CYP7B1: variants seen among roughly 807,000 people sequenced by gnomAD.
The protein encoded by CYP7B1 is cytochrome P450 7B1.
Under a neutral mutation model 42.7 loss-of-function variants are expected in CYP7B1, and 29 were observed. The ratio of observed to expected loss-of-function variants is 0.68; its 90% CI spans 0.51 to 0.93. The LOEUF (loss-of-function observed/expected upper bound fraction) is 0.93, where lower values mean the gene tolerates loss of function less well. Among genes scored for constraint, CYP7B1 ranks in the 40% least tolerant of loss-of-function variants. CYP7B1 has a pLI of 0.00. For synonymous variants in CYP7B1, 235 were observed against 218.2 expected (o/e 1.08, Z -0.68); for missense variants, 655 against 600.5 (o/e 1.09, Z -0.95).
intron 4 of CYP7B1, among the ~76,000 whole-genome samples, chr8:64,611,300 C>T (rs1805359517): frequency 6.6e-6 from 1 of 152,060 alleles, no homozygotes; most frequent in Non-Finnish European, 1.5e-5. Flanking sequence ...GTATTTAGCA[C>T]CCTGAGAATT....
In CYP7B1 at chr8:64,615,839, A is replaced by G; in HGVS notation, c.702T>C (p.Leu234=). Residue 234 remains leucine, a synonymous_variant, in exon 3 of 6, where the codon CTT becomes CTC. Coordinates refer to ENST00000310193, the MANE Select transcript of CYP7B1 (RefSeq NM_004820.5). The part of the protein sequence containing the change: ...AYLVSNIPIE[L]LGNVKSIREK... ...CTCTAATAGACTTGACATTTCCTAG[A>G]AGCTCAATGGGTATGTTGGATACTA... The G allele has an allele frequency of 6.2e-7, 1 of 1,613,758 alleles. No individual in the cohort carries two copies. Among genetic ancestry groups the G allele is most frequent in the Non-Finnish European group, 8.5e-7 (1 of 1,179,776 alleles).
chr8:64,757,074 G>A (rs1807820176), intron 1 of CYP7B1, among the ~76,000 whole-genome samples: 1 of 152,158 alleles, frequency 6.6e-6, no homozygotes, highest in African/African-American at 2.4e-5. Context: ...GAGTCCTAGG[G>A]TGAGAGCTCA....
intron 1 of CYP7B1, among the ~76,000 whole-genome samples, chr8:64,698,815 A>T (rs773252767): frequency 1.1e-4 from 17 of 152,260 alleles, no homozygotes; most frequent in Admixed American, 9.2e-4. Flanking sequence ...GAAGAAACAA[A>T]AAAATATATA....
At chr8:64,600,318 G>T (rs1805182886) in intron 5 of CYP7B1, among the ~76,000 whole-genome samples, 2 of 152,178 alleles carry the variant, frequency 1.3e-5, no homozygotes, top group South Asian at 4.1e-4. Context: ...GTTTAGTTCA[G>T]TTCAACAGAT....
At chr8:64,686,136 G>A (rs1295830043) in intron 1 of CYP7B1, among the ~76,000 whole-genome samples, 57 of 95,730 alleles carry the variant, frequency 6.0e-4, no homozygotes, top group Admixed American at 2.3e-3. Flanking sequence ...CAGCCGCCCC[G>A]TCTGGGAGGT....
chr8:64,699,884 G>A (rs1432562434), intron 1 of CYP7B1, among the ~76,000 whole-genome samples: 1 of 152,088 alleles, frequency 6.6e-6, no homozygotes, highest in African/African-American at 2.4e-5. Context: ...CATTCAAGGA[G>A]TCATTCACTG....
chr8:64,589,288 C>T (rs1276381194), downstream of CYP7B1, among the ~76,000 whole-genome samples: 2 of 152,170 alleles, frequency 1.3e-5, no homozygotes, highest in Non-Finnish European at 2.9e-5. Flanking sequence ...ATTTAATTTT[C>T]TGCAAGCATT....
intron 1 of CYP7B1, among the ~76,000 whole-genome samples, chr8:64,663,299 C>T (rs1033406765): frequency 6.6e-6 from 1 of 152,150 alleles, no homozygotes; most frequent in Non-Finnish European, 1.5e-5. Context: ...ATTCTGAATG[C>T]CTACTGATGT....
At chr8:64,744,918 G>A (rs968633401) in intron 1 of CYP7B1, among the ~76,000 whole-genome samples, 1 of 152,074 alleles carries the variant, frequency 6.6e-6, no homozygotes, top group African/African-American at 2.4e-5. Flanking sequence ...AGTGAGTTGA[G>A]GTATAGTAAT....
chr8:64,667,452 C>T (rs1806298555), intron 1 of CYP7B1, among the ~76,000 whole-genome samples: 1 of 152,134 alleles, frequency 6.6e-6, no homozygotes, highest in South Asian at 2.1e-4. Flanking sequence ...AACAAGCCAC[C>T]AATTTCCTAA....
intron 1 of CYP7B1, among the ~76,000 whole-genome samples, chr8:64,771,329 G>C (rs1804223760): frequency 6.6e-6 from 1 of 151,716 alleles, no homozygotes; most frequent in African/African-American, 2.4e-5. Context: ...CAAAGTGCTG[G>C]GATTACAGTC....
chr8:64,670,455 C>T (rs1043665302), intron 1 of CYP7B1, among the ~76,000 whole-genome samples: 1 of 151,936 alleles, frequency 6.6e-6, no homozygotes, highest in Non-Finnish European at 1.5e-5. Context: ...AAAGGATTGC[C>T]AAACTAATTA....
Position 64,798,589 on chromosome 8 carries a change from CGG to C in CYP7B1, c.-4_-3del. The C allele has an allele frequency of 3.4e-6, 5 of 1,464,570 alleles. No individual in the cohort carries two copies. The highest frequency in any genetic ancestry group is 4.5e-6 in the Non-Finnish European group (5 of 1,117,824). The allele number at this position is 1,464,570 out of a possible 1,614,324, so 90.7% of individuals were successfully genotyped here. On this transcript the variant is annotated 5_prime_UTR_variant, in exon 1 of 6. Coordinates refer to ENST00000310193, the MANE Select transcript of CYP7B1 (RefSeq NM_004820.5). Reference sequence around the variant, plus strand: ...GGCCGCGGACACTTCTCCTGCCATCCGGCGCGCGCTAGGCCGCGGTGGGCAGC... The same window carrying C: ...GGCCGCGGACACTTCTCCTGCCATCCCGCGCGCTAGGCCGCGGTGGGCAGC...
At chr8:64,691,702 C>T (rs781366406) in intron 1 of CYP7B1, among the ~76,000 whole-genome samples, 3 of 152,186 alleles carry the variant, frequency 2.0e-5, no homozygotes, top group Non-Finnish European at 2.9e-5. Context: ...AGCACCAGCT[C>T]AACAGTCATG....
At position 64,728,581 on chromosome 8, in the gene CYP7B1, G is replaced by A. The variant is rs112173703; in HGVS notation, c.122+69885C>T. Among the ~76,000 whole-genome samples, 770 of 152,280 alleles carry A rather than the reference G, an allele frequency of 5.1e-3. 5 individuals carry two copies. The highest frequency in any genetic ancestry group is 8.7e-3 in the Non-Finnish European group (591 of 68,026). On this transcript the variant is annotated intron_variant, in intron 1 of 5. Transcript: ENST00000310193. ...AATTTTAAGTTATTATAATTGTTGA[G>A]TAAAAGAAAAGCATTGCATTTCCTC...
chr8:64,754,818 G>T (rs2129633589), intron 1 of CYP7B1, among the ~76,000 whole-genome samples: 1 of 152,318 alleles, frequency 6.6e-6, no homozygotes, highest in East Asian at 1.9e-4. Flanking sequence ...TTGAGGGAAA[G>T]TGTGAAGAAA....
In CYP7B1 at chr8:64,775,198, C is replaced by T. The variant is rs1241647675; in HGVS notation, c.122+23268G>A. 2.0e-5 allele frequency among the ~76,000 whole-genome samples: 3 copies of T among 152,086 alleles called. No individual in the cohort carries two copies. In the East Asian group the frequency reaches 5.8e-4, roughly 29 times the overall value. Reference sequence around the variant, plus strand: ...TCTGAAATAGCATTGCTCCAGTCTTCAGATATGAGATGTTTTTCATGGCCT... The same window carrying T: ...TCTGAAATAGCATTGCTCCAGTCTTTAGATATGAGATGTTTTTCATGGCCT... On this transcript the variant is annotated intron_variant, in intron 1 of 5. Transcript: ENST00000310193.
intron 1 of CYP7B1, among the ~76,000 whole-genome samples, chr8:64,771,080 T>TTTC (rs61295651): frequency 1.5e-5 from 2 of 132,320 alleles, no homozygotes; most frequent in Admixed American, 1.5e-4. Context: ...TTTTTTTTTT[T>TTTC]AGACAGGGTC....
chr8:64,655,697 A>G (rs1255392906), intron 1 of CYP7B1, among the ~76,000 whole-genome samples: 1 of 152,226 alleles, frequency 6.6e-6, no homozygotes, highest in Non-Finnish European at 1.5e-5. Context: ...TTTCTACCAT[A>G]AAGACACATG....
Sources: allele counts gnomAD v4.1 joint callset (sites outside exome capture counted in the v4.1 genomes callset), GRCh38; gene constraint gnomAD v4.1.1; transcripts MANE v1.5; gene names NCBI Gene and HGNC (gene_info 2026-07-23, HGNC 2026-07-21).